Variants in TMEM255B observed in about 807,000 individuals in gnomAD.
TMEM255B encodes family with sequence similarity 70, member B.
TMEM255B carries 35 observed loss-of-function variants against 34.5 expected under a neutral mutation model. The observed-to-expected ratio is 1.01, with a 90% CI of 0.77 to 1.34. TMEM255B has a LOEUF of 1.34. Among genes scored for constraint, TMEM255B ranks in the 40% most tolerant of loss-of-function variants. TMEM255B has a pLI of 0.00. For missense variants in TMEM255B, 432 were observed against 433.2 expected (o/e 1.00, Z 0.02); for synonymous variants, 206 against 201.2 (o/e 1.02, Z -0.20).
At position 113,813,390 on chromosome 13, in the gene TMEM255B, G is replaced by A. The variant is rs986698235; in HGVS notation, c.*1487G>A. The A allele has an allele frequency of 6.6e-6, 1 of 152,308 alleles. No individual in the cohort carries two copies. Among genetic ancestry groups the A allele is most frequent in the Non-Finnish European group, 1.5e-5 (1 of 68,096 alleles). The allele number at this position is 152,308 out of a possible 1,614,324, so 9.4% of individuals were successfully genotyped here. A position where few individuals can be genotyped will look rare whatever the true frequency, so the allele number is the denominator to read the frequency against. ...CCGCTCTTCTCCCGTGTGGGTCTGAGGTCTCCAGCTTACTTCACGGAACAG... is the reference window on the plus strand; with the variant it reads ...CCGCTCTTCTCCCGTGTGGGTCTGAAGTCTCCAGCTTACTTCACGGAACAG... On this transcript the variant is annotated 3_prime_UTR_variant, in exon 9 of 9. Coordinates refer to ENST00000375353, the MANE Select transcript of TMEM255B (RefSeq NM_182614.4).
At chr13:113,808,797 G>GGGT (rs1555302355) in intron 8 of TMEM255B, among the ~76,000 whole-genome samples, 1 of 115,548 alleles carries the variant, frequency 8.7e-6, no homozygotes. Flanking sequence ...GTTCCTGGGG[G>GGGT]GGGGGTTACT....
intron 3 of TMEM255B, among the ~76,000 whole-genome samples, chr13:113,789,015 T>G (rs1448172984): frequency 1.3e-5 from 2 of 151,768 alleles, no homozygotes; most frequent in African/African-American, 4.8e-5. Flanking sequence ...CTGGGCAGGG[T>G]CTCCACCTTG....
Position 113,770,108 on chromosome 13 carries a change from C to T in TMEM255B, c.252+948C>T, listed in dbSNP as rs1190487781. On this transcript the variant is annotated intron_variant, in intron 3 of 8. Coordinates refer to ENST00000375353, the MANE Select transcript of TMEM255B (RefSeq NM_182614.4). The surrounding 1 kb of genome is among the most constrained non-coding windows in gnomAD (Gnocchi z 4.6). The stretch of plus-strand genomic sequence containing the variant: ...TGATAAAGACGTACCCAAGACTGGG[C>T]AGTTTACAAAAGAAAGAGGTTTAAT... 6.6e-6 allele frequency among the ~76,000 whole-genome samples: 1 copy of T among 152,178 alleles called. No homozygotes were observed. Among genetic ancestry groups the T allele is most frequent in the Non-Finnish European group, 1.5e-5 (1 of 68,040 alleles).
chr13:113,766,522 G>A (rs2050394481), intron 2 of TMEM255B: 2 of 550,354 alleles, frequency 3.6e-6, no homozygotes, highest in East Asian at 6.8e-5. Flanking sequence ...TCCATTGTCT[G>A]GGTTGGCCCG....
chr13:113,786,551 G>A lies in TMEM255B; in HGVS notation c.253-8597G>A, dbSNP rs867980859. 3.9e-3 allele frequency among the ~76,000 whole-genome samples: 540 copies of A among 139,430 alleles called. 1 individual carries two copies. The highest frequency in any genetic ancestry group is 0.013 in the African/African-American group (504 of 39,194). 91.5% of individuals were successfully genotyped at this position (139,430 alleles called of 152,430 possible). On this transcript the variant is annotated intron_variant, in intron 3 of 8. Transcript: ENST00000375353. Reference sequence around the variant, plus strand: ...CACTGTCATCACCATTGTCACCATCGTCAACATCATCACCGTCATCACCAT... The same window carrying A: ...CACTGTCATCACCATTGTCACCATCATCAACATCATCACCGTCATCACCAT...
intron 8 of TMEM255B, among the ~76,000 whole-genome samples, chr13:113,809,873 T>C (rs2051267246): frequency 6.6e-6 from 1 of 152,116 alleles, no homozygotes; most frequent in Non-Finnish European, 1.5e-5. Context: ...CTTGAGAGAA[T>C]GTTCCCTAGT....
In TMEM255B at chr13:113,795,135, C is replaced by T; in HGVS notation, c.253-13C>T. 6.2e-7 allele frequency: 1 copy of T among 1,613,578 alleles called. No individual in the cohort carries two copies. The highest frequency in any genetic ancestry group is 1.7e-5 in the Admixed American group (1 of 59,996). ...GTAAAAGCTGGGCACCCACACCTCT[C>T]CTTCTGTTGCAGCTGGTGGCAGCGA... is the stretch of plus-strand genomic sequence containing the variant. On this transcript the variant is annotated splice_polypyrimidine_tract_variant and intron_variant, in intron 3 of 8. Coordinates refer to ENST00000375353, the MANE Select transcript of TMEM255B (RefSeq NM_182614.4).
rs373423238 is a variant in TMEM255B, at chr13:113,796,765, T to C, written c.342+1528T>C. On this transcript the variant is annotated intron_variant, in intron 4 of 8. Transcript: ENST00000375353. ...AGCAGCCGAATTGCTTGTCATGAAC[T>C]CTCAGACCAAACCTGTGATTGTTTC... Among the ~76,000 whole-genome samples the C allele has an allele frequency of 9.8e-5, 15 of 152,362 alleles. No individual in the cohort carries two copies. In the East Asian group the frequency reaches 2.5e-3, roughly 25 times the overall value.
At chr13:113,796,558 AC>A (rs1300069998) in intron 4 of TMEM255B, among the ~76,000 whole-genome samples, 2 of 151,818 alleles carry the variant, frequency 1.3e-5, no homozygotes, top group Non-Finnish European at 2.9e-5. Context: ...ACACATACAC[AC>A]CACACCACGC....
At chr13:113,786,390 T>C (rs1410769152) in intron 3 of TMEM255B, among the ~76,000 whole-genome samples, 1 of 151,908 alleles carries the variant, frequency 6.6e-6, no homozygotes, top group Non-Finnish European at 1.5e-5. Context: ...ACCGTCACCA[T>C]CGTCACCATC....
At chr13:113,768,116 C>T (rs147463815) in intron 2 of TMEM255B, 6,221 of 450,982 alleles carry the variant, frequency 0.014, 72 homozygotes, top group Non-Finnish European at 0.022. Flanking sequence ...CCCAGCAACT[C>T]CAAGGCTGTG....
At chr13:113,780,728 A>C (rs541456076) in intron 3 of TMEM255B, among the ~76,000 whole-genome samples, 3 of 152,194 alleles carry the variant, frequency 2.0e-5, no homozygotes, top group Non-Finnish European at 4.4e-5. Flanking sequence ...GCACCTGGTA[A>C]AACTTTATAG....
rs149069284 is a variant in TMEM255B at position 113,762,603 on chromosome 13, C to T, written c.46+3288C>T. Among the ~76,000 whole-genome samples, 142 of 152,294 alleles carry T rather than the reference C, an allele frequency of 9.3e-4. 1 individual carries two copies. The highest frequency in any genetic ancestry group is 1.2e-4 in the Non-Finnish European group (8 of 68,028). ...TTACGTGGTTTCAGAGGAGATGTGT[C>T]TAACTCTTCGCATAGTAATTAACAA... On this transcript the variant is annotated intron_variant, in intron 1 of 8. Transcript: ENST00000375353.
chr13:113,805,484 G>A (rs1036639318), intron 8 of TMEM255B, among the ~76,000 whole-genome samples: 13 of 152,266 alleles, frequency 8.5e-5, no homozygotes, highest in South Asian at 2.1e-4. Context: ...TGGAGATGAC[G>A]GAGGGAGAGG....
At chr13:113,786,558 T>G (rs1419653492) in intron 3 of TMEM255B, among the ~76,000 whole-genome samples, 1 of 151,150 alleles carries the variant, frequency 6.6e-6, no homozygotes, top group Non-Finnish European at 1.5e-5. Context: ...ATCGTCAACA[T>G]CATCACCGTC....
chr13:113,783,464 A>G (rs1442987872), intron 3 of TMEM255B, among the ~76,000 whole-genome samples: 4 of 152,218 alleles, frequency 2.6e-5, no homozygotes, highest in African/African-American at 9.6e-5. Flanking sequence ...AATTATGTCA[A>G]TGTCATGCCA....
At chr13:113,807,192 G>A (rs988272547) in intron 8 of TMEM255B, among the ~76,000 whole-genome samples, 3 of 152,224 alleles carry the variant, frequency 2.0e-5, no homozygotes, top group Non-Finnish European at 4.4e-5. Context: ...TGGAGGGAGG[G>A]GCTGGTGACT....
intron 3 of TMEM255B, among the ~76,000 whole-genome samples, 187 bp from the exon 4 acceptor site, chr13:113,794,961 C>T (rs1476543416): frequency 3.3e-5 from 5 of 152,254 alleles, no homozygotes; most frequent in Non-Finnish European, 4.4e-5. Flanking sequence ...GGAATAGACG[C>T]GTGAGGACGA....
chr13:113,811,873 G>A lies in TMEM255B; in HGVS notation c.951G>A (p.Pro317=), dbSNP rs146703259. The part of the protein sequence containing the change: ...PPCYAPTYFP[P]GEKPPPYAP ...GCTACGCACCCACCTACTTTCCCCC[G>A]GGGGAGAAGCCACCCCCCTACGCAC... is the stretch of plus-strand genomic sequence containing the variant. The change falls in exon 9 of 9, where the codon CCG becomes CCA. Residue 317 remains proline (P), a synonymous_variant. Transcript: ENST00000375353. The A allele has an allele frequency of 6.2e-5, 100 of 1,613,030 alleles. No homozygotes were observed. The highest frequency in any genetic ancestry group is 1.0e-4 in the Admixed American group (6 of 59,922).
Sources: allele counts gnomAD v4.1 joint callset (sites outside exome capture counted in the v4.1 genomes callset), GRCh38; gene constraint gnomAD v4.1.1; non-coding constraint Gnocchi (gnomAD v3.1); transcripts MANE v1.5; gene names NCBI Gene and HGNC (gene_info 2026-07-23, HGNC 2026-07-21).